Variants in KIAA0825 observed in about 807,000 individuals in gnomAD.
The protein encoded by KIAA0825 is KIAA0825, also known as uncharacterized protein KIAA0825.
KIAA0825 carries 119 observed loss-of-function variants against 147.6 expected under a neutral mutation model. The observed-to-expected ratio is 0.81, with a 90% confidence interval of 0.69 to 0.94. KIAA0825 has a LOEUF of 0.94. Among genes scored for constraint, KIAA0825 ranks in the 40% least tolerant of loss-of-function variants. The pLI is 0.00. For synonymous variants in KIAA0825, 470 were observed against 518.1 expected (o/e 0.91, Z 1.26); for missense variants, 1,381 against 1,472.7 (o/e 0.94, Z 1.02).
Position 94,476,828 on chromosome 5 carries a change from T to C in KIAA0825, c.1227+283A>G, listed in dbSNP as rs114176996. ...TTTCTCGCTATTCGACAATTATCTA[T>C]AGCCCACATCCTCTAAGTGCAGGCC... On this transcript the variant is annotated intron_variant, in intron 7 of 20. Transcript: ENST00000682413. Among the ~76,000 whole-genome samples, 565 of 152,238 alleles carry C rather than the reference T, an allele frequency of 3.7e-3. 4 individuals are homozygous for C. The highest frequency in any genetic ancestry group is 0.013 in the African/African-American group (544 of 41,552).
intron 6 of KIAA0825, among the ~76,000 whole-genome samples, chr5:94,483,638 T>G (rs1287587752): frequency 6.6e-6 from 1 of 151,772 alleles, no homozygotes; most frequent in Non-Finnish European, 1.5e-5. Context: ...CTTTATTTTT[T>G]CTTCAAATTC....
rs776944748 is a variant in KIAA0825, at chr5:94,386,289, G to A, written c.3572C>T (p.Pro1191Leu). 23 of 1,551,406 alleles carry A rather than the reference G, an allele frequency of 1.5e-5. No homozygotes were observed. In the South Asian group the frequency reaches 2.7e-4, roughly 18 times the overall value. The change falls in exon 19 of 21, where the codon CCT becomes CTT. Residue 1191 changes from proline (P) to leucine (L), a missense_variant. Coordinates refer to ENST00000682413, the MANE Select transcript of KIAA0825 (RefSeq NM_001145678.3). The part of the protein sequence containing the change: ...SIEDQPSAFN[P>L]FHVYKAFSEN... ...ACTAAACGCCTTATACACATGGAAA[G>A]GGTTAAAGGCAGAAGGCTGATCTTC...
intron 16 of KIAA0825, among the ~76,000 whole-genome samples, chr5:94,401,357 T>C (rs1435272514): frequency 1.3e-5 from 2 of 152,134 alleles, no homozygotes; most frequent in East Asian, 1.9e-4. Context: ...CACTGTTTGC[T>C]CTTGATTGCA....
At position 94,517,596 on chromosome 5, in the gene KIAA0825, A is replaced by G. The variant is rs553269673; in HGVS notation, c.970+2652T>C. On this transcript the variant is annotated intron_variant, in intron 5 of 20. Transcript: ENST00000682413. ...TAAGACATTAGCTCATTAAGACTAC[A>G]GTATACATACAAAGCCTGCTTAAAG... is the stretch of plus-strand genomic sequence containing the variant. Among the ~76,000 whole-genome samples, 417 of 152,040 alleles carry G rather than the reference A, an allele frequency of 2.7e-3. 3 individuals carry two copies. Among genetic ancestry groups the G allele is most frequent in the African/African-American group, 9.6e-3 (397 of 41,534 alleles).
chr5:94,324,861 G>T (rs1780529773), intron 20 of KIAA0825, among the ~76,000 whole-genome samples: 2 of 151,508 alleles, frequency 1.3e-5, no homozygotes, highest in African/African-American at 4.9e-5. Context: ...GTACCTATTA[G>T]GTAATTTCTG....
intron 20 of KIAA0825, among the ~76,000 whole-genome samples, chr5:94,193,229 G>A (rs991488396): frequency 6.6e-6 from 1 of 152,140 alleles, no homozygotes; most frequent in East Asian, 1.9e-4. Flanking sequence ...CCAGAACCCA[G>A]GGGGAGGCCT....
chr5:94,443,638 C>A (rs1757385283), intron 13 of KIAA0825, among the ~76,000 whole-genome samples: 1 of 152,090 alleles, frequency 6.6e-6, no homozygotes, highest in African/African-American at 2.4e-5. Flanking sequence ...TTTATAAAAT[C>A]ATTGTGAAAA....
intron 2 of KIAA0825, among the ~76,000 whole-genome samples, chr5:94,544,954 T>C (rs888847676): frequency 2.0e-5 from 3 of 150,094 alleles, no homozygotes; most frequent in Non-Finnish European, 4.4e-5. Context: ...ACCGAGAGGA[T>C]AGAAAACACA....
rs564269307 is a variant in KIAA0825, at chr5:94,471,433, C to T, written c.1721+33G>A. On this transcript the variant is annotated intron_variant, in intron 9 of 20. Transcript: ENST00000682413. ...TCCAAAGATTACACGTTTCTTTAAG[C>T]GTGGCCATCATCTTAATTTAAACAA... 41 of 1,542,610 alleles carry T rather than the reference C, an allele frequency of 2.7e-5. 1 individual carries two copies. The highest frequency in any genetic ancestry group is 2.5e-4 in the East Asian group (10 of 40,780).
intron 20 of KIAA0825, among the ~76,000 whole-genome samples, chr5:94,258,400 G>A (rs1776344272): frequency 6.6e-6 from 1 of 151,882 alleles, no homozygotes; most frequent in Non-Finnish European, 1.5e-5. Context: ...TTCTGTGGAG[G>A]CATTTGCCAA....
intron 20 of KIAA0825, among the ~76,000 whole-genome samples, chr5:94,346,731 A>G (rs1783041708): frequency 6.6e-6 from 1 of 152,146 alleles, no homozygotes; most frequent in Non-Finnish European, 1.5e-5. Context: ...AACGGGAGAG[A>G]AGCAGGGATT....
chr5:94,328,876 G>A (rs1356312442), intron 20 of KIAA0825, among the ~76,000 whole-genome samples: 1 of 151,930 alleles, frequency 6.6e-6, no homozygotes, highest in East Asian at 1.9e-4. Context: ...TTTAAAATTA[G>A]TTATTAAACT....
chr5:94,507,117 TCTC>T (rs1326511436), intron 5 of KIAA0825, among the ~76,000 whole-genome samples: 2 of 152,166 alleles, frequency 1.3e-5, no homozygotes, highest in African/African-American at 2.4e-5. Context: ...TTATCCAAAT[TCTC>T]AAATTCTTAT....
At chr5:94,561,420 C>T (rs1777534190) in intron 2 of KIAA0825, among the ~76,000 whole-genome samples, 1 of 152,122 alleles carries the variant, frequency 6.6e-6, no homozygotes, top group African/African-American at 2.4e-5. Flanking sequence ...TGTGGCAACC[C>T]CCAAATTTGT....
At chr5:94,233,786 A>G (rs1436448642) in intron 20 of KIAA0825, among the ~76,000 whole-genome samples, 1 of 152,240 alleles carries the variant, frequency 6.6e-6, no homozygotes, top group South Asian at 2.1e-4. Flanking sequence ...ACTTGGAGAA[A>G]TAAAATTCCT....
intron 20 of KIAA0825, among the ~76,000 whole-genome samples, chr5:94,230,937 C>G (rs1774637955): frequency 6.6e-6 from 1 of 152,046 alleles, no homozygotes; most frequent in Admixed American, 6.6e-5. Flanking sequence ...GTTGTAGCCT[C>G]CAAATAGATA....
chr5:94,215,122 T>G (rs1311396607), intron 20 of KIAA0825, among the ~76,000 whole-genome samples: 2 of 152,016 alleles, frequency 1.3e-5, no homozygotes, highest in Admixed American at 1.3e-4. Flanking sequence ...TGACAAGTGT[T>G]CAGGGGATCA....
chr5:94,519,310 T>C, intron 5 of KIAA0825: 1 of 906,720 alleles, frequency 1.1e-6, no homozygotes, highest in Non-Finnish European at 1.3e-6. Flanking sequence ...GATCCATAAT[T>C]CACCAAATAA....
chr5:94,194,657 A>G (rs2150008259), intron 20 of KIAA0825, among the ~76,000 whole-genome samples: 1 of 152,226 alleles, frequency 6.6e-6, no homozygotes, highest in South Asian at 2.1e-4. Flanking sequence ...CTGCTTTGCC[A>G]TTATTCACTC....
Sources: gnomAD v4.1 joint callset for allele counts (sites outside exome capture counted in the v4.1 genomes callset) on GRCh38, gnomAD v4.1.1 for gene constraint, MANE v1.5 for transcripts, NCBI Gene and HGNC (gene_info 2026-07-23, HGNC 2026-07-21) for gene names.